The following SPATA6L variants were observed in gnomAD, a reference collection of about 807,000 sequenced individuals.
The protein encoded by SPATA6L is spermatogenesis associated 6-like protein.
A neutral mutation model predicts 49.2 loss-of-function variants in SPATA6L; 68 were observed. The observed-to-expected ratio is 1.38, with a 90% CI of 1.14 to 1.69. SPATA6L has a LOEUF of 1.69. Ranked by LOEUF, SPATA6L falls within the 40% of genes most tolerant of loss-of-function variation. SPATA6L has a pLI of 0.00. For missense variants in SPATA6L, 668 were observed against 464.3 expected (o/e 1.44, Z -4.03); for synonymous variants, 198 against 165.7 (o/e 1.19, Z -1.50).
At chr9:4,639,471 T>C (rs10974693) in intron 3 of SPATA6L, among the ~76,000 whole-genome samples, 18,407 of 152,130 alleles carry the variant, frequency 0.12, 1,559 homozygotes, top group African/African-American at 0.23. Context: ...TGAAACAGGG[T>C]TAGACAAATA....
intron 9 of SPATA6L, among the ~76,000 whole-genome samples, chr9:4,616,427 C>G (rs1232380044): frequency 6.6e-6 from 1 of 152,196 alleles, no homozygotes; most frequent in African/African-American, 2.4e-5. Flanking sequence ...AATCAATCCT[C>G]TACAAGTCTT....
chr9:4,644,685 T>TCTCTCACACACA lies in SPATA6L; in HGVS notation c.227-9287_227-9286insTGTGTGTGAGAG, dbSNP rs1438618515. 3.2e-4 allele frequency among the ~76,000 whole-genome samples: 35 copies of TCTCTCACACACA among 107,752 alleles called. No individual in the cohort carries two copies. In the South Asian group the frequency reaches 8.1e-3, roughly 25 times the overall value. The allele number at this position is 107,752 out of a possible 152,430, so 70.7% of individuals were successfully genotyped here. ...CTCTCTCTCTCTCTCTCTCTCTCTC[T>TCTCTCACACACA]CACACACACACACACACACACACAC... On this transcript the variant is annotated intron_variant, in intron 3 of 11. Coordinates refer to ENST00000682582, the MANE Select transcript of SPATA6L (RefSeq NM_001353486.2).
intron 11 of SPATA6L, among the ~76,000 whole-genome samples, chr9:4,602,125 A>C (rs930060660): frequency 6.7e-6 from 1 of 149,456 alleles, no homozygotes. Flanking sequence ...CCTATTTTCC[A>C]AGAAAGAATT....
At chr9:4,628,158 A>T in intron 5 of SPATA6L, 1 of 203,728 alleles carries the variant, frequency 4.9e-6, no homozygotes, top group Non-Finnish European at 9.9e-6. Context: ...CAAAAAAAAA[A>T]TACAAAGAAT....
chr9:4,592,707 A>G (rs80243734), intron 13 of SPATA6L, among the ~76,000 whole-genome samples: 1 of 152,258 alleles, frequency 6.6e-6, no homozygotes, highest in African/African-American at 2.4e-5. Context: ...TAGTAGCTAT[A>G]GTTAATACTG....
At chr9:4,642,886 A>G (rs1206907018) in intron 3 of SPATA6L, among the ~76,000 whole-genome samples, 2 of 152,240 alleles carry the variant, frequency 1.3e-5, no homozygotes, top group Non-Finnish European at 2.9e-5. Context: ...CTTTATACAG[A>G]AGGAAAGAAA....
chr9:4,614,494 A>G (rs114041341), intron 9 of SPATA6L, among the ~76,000 whole-genome samples: 2,780 of 152,102 alleles, frequency 0.018, 78 homozygotes, highest in African/African-American at 0.063. Context: ...AGTGCTGACA[A>G]CCCCCAGTGT....
intron 3 of SPATA6L, among the ~76,000 whole-genome samples, chr9:4,636,988 A>G (rs1832935619): frequency 1.3e-5 from 2 of 152,130 alleles, no homozygotes; most frequent in African/African-American, 4.8e-5. Flanking sequence ...GCACGCTGCA[A>G]CGTTTTAAAT....
chr9:4,643,978 G>A (rs10974707), intron 3 of SPATA6L, among the ~76,000 whole-genome samples: 2 of 151,808 alleles, frequency 1.3e-5, no homozygotes, highest in East Asian at 1.9e-4. Context: ...CTGCACTCCA[G>A]CCTGGGCAAC....
intron 13 of SPATA6L, among the ~76,000 whole-genome samples, chr9:4,590,501 C>G (rs755573489): frequency 6.6e-6 from 1 of 152,148 alleles, no homozygotes; most frequent in Admixed American, 6.5e-5. Flanking sequence ...GCTTGGCCTG[C>G]CACTTTTAAG....
chr9:4,644,626 A>G lies in SPATA6L; in HGVS notation c.227-9227T>C, dbSNP rs574749820. Among the ~76,000 whole-genome samples the G allele has an allele frequency of 2.0e-5, 3 of 152,174 alleles. No individual in the cohort carries two copies. In the South Asian group the frequency reaches 6.2e-4, roughly 32 times the overall value. On this transcript the variant is annotated intron_variant, in intron 3 of 11. Coordinates refer to ENST00000682582, the MANE Select transcript of SPATA6L (RefSeq NM_001353486.2). ...AAAAAGCAGAAATGCGTAATAGCAG[A>G]GATCAGAGGAGAATTTTCTGAGTTT...
At chr9:4,605,869 C>T (rs569614477) in intron 9 of SPATA6L, among the ~76,000 whole-genome samples, 5 of 152,184 alleles carry the variant, frequency 3.3e-5, no homozygotes, top group Non-Finnish European at 5.9e-5. Flanking sequence ...ACGCAGAGGA[C>T]GGGTGATTTC....
Position 4,625,326 on chromosome 9 carries a change from C to T in SPATA6L, c.669+1G>A, listed in dbSNP as rs146006961. On this transcript the variant is annotated splice_donor_variant, in intron 6 of 11. Coordinates refer to ENST00000682582, the MANE Select transcript of SPATA6L (RefSeq NM_001353486.2). LOFTEE classifies it high-confidence loss of function. ...GCTCTAAAAAATAATTTTAGGCTCACGTGTCTAACAACAAATGGAGGCTTG... is the reference window on the plus strand; with the variant it reads ...GCTCTAAAAAATAATTTTAGGCTCATGTGTCTAACAACAAATGGAGGCTTG... 19 of 1,611,322 alleles carry T rather than the reference C, an allele frequency of 1.2e-5. No individual in the cohort carries two copies. The highest frequency in any genetic ancestry group is 2.2e-5 in the East Asian group (1 of 44,844).
chr9:4,656,739 G>C (rs1308889648), intron 2 of SPATA6L, among the ~76,000 whole-genome samples: 1 of 152,150 alleles, frequency 6.6e-6, no homozygotes, highest in African/African-American at 2.4e-5. Context: ...TCTACTGTTT[G>C]TTGCTAAAAG....
At chr9:4,615,902 C>G (rs911618737) in intron 9 of SPATA6L, among the ~76,000 whole-genome samples, 1 of 152,126 alleles carries the variant, frequency 6.6e-6, no homozygotes, top group African/African-American at 2.4e-5. Flanking sequence ...TTCCCCAGTT[C>G]TGGTGGCTGA....
At chr9:4,644,180 CTG>C (rs1834714925) in intron 3 of SPATA6L, among the ~76,000 whole-genome samples, 1 of 88,888 alleles carries the variant, frequency 1.1e-5, no homozygotes, top group South Asian at 3.9e-4. Flanking sequence ...GATGCCATCT[CTG>C]CAAAAAAAAA....
Position 4,605,438 on chromosome 9 carries a change from A to G in SPATA6L, c.998T>C (p.Phe333Ser). The change falls in exon 10 of 12, where the codon TTC becomes TCC. Residue 333 changes from phenylalanine to serine, a missense_variant and splice_region_variant. Coordinates refer to ENST00000682582, the MANE Select transcript of SPATA6L (RefSeq NM_001353486.2). ...CCATGTGGACTGAGAACCAGGATGG[A>G]ACCTGCTCAACAGATGGAACAGGGT... ...PLDQPLLRER[F>S]HPGSQSTWKN... 6.2e-7 allele frequency: 1 copy of G among 1,612,604 alleles called. No homozygotes were observed. The highest frequency in any genetic ancestry group is 8.5e-7 in the Non-Finnish European group (1 of 1,178,580).
intron 3 of SPATA6L, among the ~76,000 whole-genome samples, chr9:4,652,209 C>T (rs6476880): frequency 0.5 from 76,140 of 151,864 alleles, 19,704 homozygotes; most frequent in East Asian, 0.65. Flanking sequence ...TCACCTGAGG[C>T]CGGGAGTTCA....
chr9:4,661,621 T>C (rs535134932), intron 2 of SPATA6L, among the ~76,000 whole-genome samples: 1 of 152,256 alleles, frequency 6.6e-6, no homozygotes, highest in East Asian at 1.9e-4. Context: ...CCAAAAACAT[T>C]CAGAAATGCT....
Sources: gnomAD v4.1 joint callset for allele counts (sites outside exome capture counted in the v4.1 genomes callset) on GRCh38, gnomAD v4.1.1 for gene constraint, MANE v1.5 for transcripts, NCBI Gene and HGNC (gene_info 2026-07-23, HGNC 2026-07-21) for gene names.